The following MAD1L1 variants were observed in gnomAD, a reference collection of about 807,000 sequenced individuals.
MAD1L1 encodes the protein mitotic arrest deficient 1 like 1.
MAD1L1 carries 95 observed loss-of-function variants against 96.9 expected under a neutral mutation model. The ratio of observed to expected loss-of-function variants is 0.98; its 90% CI spans 0.83 to 1.16. MAD1L1 has a LOEUF of 1.16. Ranked by LOEUF, MAD1L1 falls within the 50% of genes most tolerant of loss-of-function variation. The probability of loss-of-function intolerance (pLI) is 0.00; values close to 1 mark genes in which losing one functional copy is unlikely to be tolerated. For synonymous variants in MAD1L1, 473 were observed against 396.6 expected (o/e 1.19, Z -2.29); for missense variants, 1,007 against 954.4 (o/e 1.06, Z -0.73).
chr7:2,138,355 G>T (rs910265031), intron 11 of MAD1L1, among the ~76,000 whole-genome samples: 8 of 152,192 alleles, frequency 5.3e-5, no homozygotes, highest in African/African-American at 1.9e-4. Context: ...GGTCAGCTCT[G>T]CAGGTGCACT....
intron 18 of MAD1L1, among the ~76,000 whole-genome samples, chr7:1,822,459 G>A (rs1253450709): frequency 9.1e-6 from 1 of 110,324 alleles, no homozygotes; most frequent in Non-Finnish European, 1.9e-5. Context: ...TTTTTTTTTT[G>A]GAAAGAGGGT....
intron 18 of MAD1L1, 178 bp downstream of exon 18, chr7:1,898,015 TGGCCCAA>T: frequency 1.5e-6 from 1 of 649,150 alleles, no homozygotes; most frequent in Non-Finnish European, 2.7e-6. Flanking sequence ...CACATAGGGT[TGGCCCAA>T]GGCTGAGAAG....
At chr7:2,225,589 T>C (rs1793850862) in intron 3 of MAD1L1, 39 bp from the exon 4 acceptor site, 2 of 1,604,928 alleles carry the variant, frequency 1.2e-6, no homozygotes, top group African/African-American at 2.7e-5. Context: ...GAATCCTCAG[T>C]GACGGCATCA....
At chr7:1,959,096 A>T (rs1384977909) in intron 15 of MAD1L1, among the ~76,000 whole-genome samples, 2 of 152,092 alleles carry the variant, frequency 1.3e-5, no homozygotes, top group Non-Finnish European at 2.9e-5. Flanking sequence ...TACTAAAAAT[A>T]AAAAAATTAG....
chr7:1,981,518 C>T (rs1049724513), intron 14 of MAD1L1, among the ~76,000 whole-genome samples: 7 of 152,112 alleles, frequency 4.6e-5, no homozygotes, highest in South Asian at 2.1e-4. Flanking sequence ...GGACAGGATC[C>T]GATGGGTTTA....
intron 12 of MAD1L1, among the ~76,000 whole-genome samples, chr7:2,032,953 G>A (rs947464018): frequency 1.3e-5 from 2 of 152,236 alleles, no homozygotes; most frequent in East Asian, 1.9e-4. Flanking sequence ...GCAGAAGGAC[G>A]TGGAGAGGGC....
In MAD1L1 at chr7:1,968,863, G is replaced by A. The variant is rs976488410; in HGVS notation, c.1506-11144C>T. ...CGACCAGCGGCAGAAGAGATGTGACGACTAAAATCAACACGGTGCCCTGGC... is the reference window on the plus strand; with the variant it reads ...CGACCAGCGGCAGAAGAGATGTGACAACTAAAATCAACACGGTGCCCTGGC... On this transcript the variant is annotated intron_variant, in intron 15 of 18. Coordinates refer to ENST00000265854, the MANE Select transcript of MAD1L1 (RefSeq NM_001013836.2). The surrounding 1 kb of genome is among the most constrained non-coding windows in gnomAD (Gnocchi z 5.6). Among the ~76,000 whole-genome samples the A allele has an allele frequency of 1.1e-4, 17 of 152,342 alleles. No individual in the cohort carries two copies. Among genetic ancestry groups the A allele is most frequent in the African/African-American group, 3.4e-4 (14 of 41,580 alleles).
Position 2,058,178 on chromosome 7 carries a change from A to G in MAD1L1, c.1218+11016T>C, listed in dbSNP as rs1431131365. On this transcript the variant is annotated intron_variant, in intron 12 of 18. Transcript: ENST00000265854. ...AGGAGAGAAGCAGGGCTGGAGAGGGAGTGTGGCCAGAGGAGAGGAGAGGCG... is the reference window on the plus strand; with the variant it reads ...AGGAGAGAAGCAGGGCTGGAGAGGGGGTGTGGCCAGAGGAGAGGAGAGGCG... Among the ~76,000 whole-genome samples, 176 of 61,874 alleles carry G rather than the reference A, an allele frequency of 2.8e-3. 2 individuals carry two copies. Among genetic ancestry groups the G allele is most frequent in the Admixed American group, 6.1e-3 (35 of 5,776 alleles). 40.6% of individuals were successfully genotyped at this position (61,874 alleles called of 152,430 possible).
At chr7:1,828,672 G>A (rs531335407) in intron 18 of MAD1L1, among the ~76,000 whole-genome samples, 2 of 152,080 alleles carry the variant, frequency 1.3e-5, no homozygotes, top group South Asian at 2.1e-4. Context: ...CTGTGTCTCC[G>A]AACAGAGCTC....
intron 17 of MAD1L1, among the ~76,000 whole-genome samples, chr7:1,930,996 C>T (rs1789440101): frequency 6.6e-6 from 1 of 151,252 alleles, no homozygotes; most frequent in Non-Finnish European, 1.5e-5. Flanking sequence ...TACCCACGGT[C>T]ACAGGAGCGA....
chr7:1,976,596 C>T (rs1045683658), intron 15 of MAD1L1, among the ~76,000 whole-genome samples: 2 of 152,236 alleles, frequency 1.3e-5, no homozygotes, highest in African/African-American at 2.4e-5. Flanking sequence ...GCTCCCACAG[C>T]GTGGAAGGGG....
chr7:2,081,639 C>G (rs3800887), intron 11 of MAD1L1, among the ~76,000 whole-genome samples: 8,133 of 152,336 alleles, frequency 0.053, 391 homozygotes, highest in African/African-American at 0.12. Context: ...CCCAGGACTT[C>G]TCTCTTCCGG....
Position 2,149,155 on chromosome 7 carries a change from C to A in MAD1L1, c.1070G>T (p.Ser357Ile), listed in dbSNP as rs1334388551. 3 of 1,613,948 alleles carry A rather than the reference C, an allele frequency of 1.9e-6. No homozygotes were observed. The highest frequency in any genetic ancestry group is 2.5e-6 in the Non-Finnish European group (3 of 1,180,008). ...ALKDKNSAVT[S>I]SARGLEKARQ... ...CACCCTGGGCGGCCAGGTCTACCTG[C>A]TGGTGACGGCGCTGTTCTTGTCCTT... Residue 357 changes from serine to isoleucine, a missense_variant, in exon 11 of 19, where the codon AGC becomes ATC. Ser to Ile is a moderately radical substitution (Grantham distance 142, BLOSUM62 -2). Transcript: ENST00000265854.
At chr7:2,232,405 TCCTGAGAGCG>T (rs1794242041) in intron 1 of MAD1L1, among the ~76,000 whole-genome samples, 1 of 152,042 alleles carries the variant, frequency 6.6e-6, no homozygotes, top group Non-Finnish European at 1.5e-5. Context: ...CACGCCCCCT[TCCTGAGAGCG>T]GACCGGCGCG....
intron 18 of MAD1L1, among the ~76,000 whole-genome samples, chr7:1,865,985 G>A (rs1176043779): frequency 4.6e-5 from 7 of 152,244 alleles, no homozygotes; most frequent in Admixed American, 2.0e-4. Flanking sequence ...GCCGTGATGC[G>A]CCCCAGGGGA....
At chr7:2,112,277 G>A (rs189350506) in intron 11 of MAD1L1, among the ~76,000 whole-genome samples, 1 of 152,314 alleles carries the variant, frequency 6.6e-6, no homozygotes, top group African/African-American at 2.4e-5. Flanking sequence ...ACAGCAGAAG[G>A]GCAAATGAGG....
At chr7:1,847,690 C>T (rs1355431390) in intron 18 of MAD1L1, 2 of 470,156 alleles carry the variant, frequency 4.3e-6, no homozygotes, top group Non-Finnish European at 8.8e-6. Context: ...ACTGGGGAGA[C>T]CTCAGCTCTG....
chr7:2,155,598 C>G (rs990074103), intron 10 of MAD1L1, among the ~76,000 whole-genome samples: 1 of 152,228 alleles, frequency 6.6e-6, no homozygotes, highest in African/African-American at 2.4e-5. Flanking sequence ...CTTGGCATCA[C>G]GTCCTCAAGG....
At chr7:1,854,925 G>A (rs1041219170) in intron 18 of MAD1L1, among the ~76,000 whole-genome samples, 2 of 152,256 alleles carry the variant, frequency 1.3e-5, no homozygotes, top group African/African-American at 4.8e-5. Flanking sequence ...AGGCCCAGAG[G>A]CCTGAGAGCT....
Sources: allele counts gnomAD v4.1 joint callset (sites outside exome capture counted in the v4.1 genomes callset), GRCh38; gene constraint gnomAD v4.1.1; non-coding constraint Gnocchi (gnomAD v3.1); transcripts MANE v1.5; gene names NCBI Gene and HGNC (gene_info 2026-07-23, HGNC 2026-07-21).